The following PCSK5 variants were observed in gnomAD, a reference collection of about 807,000 sequenced individuals.
PCSK5 encodes the protein proprotein convertase subtilisin/kexin type 5, also known as prohormone convertase 5.
PCSK5 carries 129 observed loss-of-function variants against 233.2 expected under a neutral mutation model. The observed-to-expected ratio is 0.55, with a 90% CI of 0.48 to 0.64. The LOEUF (loss-of-function observed/expected upper bound fraction) is 0.64, where lower values mean the gene tolerates loss of function less well. PCSK5 is among the 30% of genes least tolerant of loss of function. PCSK5 has a pLI of 0.00. For missense variants in PCSK5, 2,076 were observed against 2,430.1 expected (o/e 0.85, Z 3.06); for synonymous variants, 825 against 879.2 (o/e 0.94, Z 1.09).
At chr9:76,055,971 C>T (rs527528393) in intron 5 of PCSK5, among the ~76,000 whole-genome samples, 29 of 152,196 alleles carry the variant, frequency 1.9e-4, no homozygotes, top group African/African-American at 6.0e-4. Context: ...TGTTGGAGAA[C>T]ATATCCCTAT....
intron 8 of PCSK5, among the ~76,000 whole-genome samples, chr9:76,105,151 A>T (rs1452687732): frequency 6.6e-6 from 1 of 152,230 alleles, no homozygotes; most frequent in African/African-American, 2.4e-5. Context: ...GTGTCCATCA[A>T]CAGATGAATG....
intron 5 of PCSK5, among the ~76,000 whole-genome samples, chr9:76,052,773 A>G (rs1293661195): frequency 6.6e-6 from 1 of 152,208 alleles, no homozygotes; most frequent in Non-Finnish European, 1.5e-5. Context: ...TCAAAGTCTC[A>G]TCTGACACAA....
chr9:75,969,417 A>G (rs546070907), intron 2 of PCSK5, among the ~76,000 whole-genome samples: 3 of 152,272 alleles, frequency 2.0e-5, no homozygotes, highest in South Asian at 4.1e-4. Flanking sequence ...CTTAACTTCA[A>G]TCCCTGGGTC....
rs1037593623 is a variant in PCSK5 at position 76,361,932 on chromosome 9, C to A, written c.*3010C>A. ...CTCTGATAGACTGAGTTTGACATTT[C>A]TTTCTGTAAACTGGAAATTGTTTTC... On this transcript the variant is annotated 3_prime_UTR_variant, in exon 38 of 38. Coordinates refer to ENST00000674117, the MANE Select transcript of PCSK5 (RefSeq NM_001372043.1). 6.6e-6 allele frequency: 1 copy of A among 152,180 alleles called. No homozygotes were observed. The highest frequency in any genetic ancestry group is 1.9e-4 in the East Asian group (1 of 5,178). The allele number at this position is 152,180 out of a possible 1,614,324, so 9.4% of individuals were successfully genotyped here. A position where few individuals can be genotyped will look rare whatever the true frequency, so the allele number is the denominator to read the frequency against.
intron 20 of PCSK5, among the ~76,000 whole-genome samples, chr9:76,225,196 T>C (rs1245333568): frequency 6.6e-6 from 1 of 152,226 alleles, no homozygotes; most frequent in African/African-American, 2.4e-5. Context: ...GCAATTGTGT[T>C]ATAACTATCT....
At chr9:76,076,643 A>G (rs1157076161) in intron 7 of PCSK5, among the ~76,000 whole-genome samples, 3 of 152,228 alleles carry the variant, frequency 2.0e-5, no homozygotes, top group Admixed American at 1.3e-4. Flanking sequence ...AATGTAGCAA[A>G]TATTGAATTT....
At chr9:76,025,400 GGAGA>G (rs34224740) in intron 4 of PCSK5, among the ~76,000 whole-genome samples, 17 of 148,594 alleles carry the variant, frequency 1.1e-4, no homozygotes, top group African/African-American at 2.5e-4. Context: ...AAAAAAATGA[GGAGA>G]GAGAGAGAGA....
At chr9:76,214,556 TCAA>T (rs1017348816) in intron 20 of PCSK5, among the ~76,000 whole-genome samples, 23 of 151,978 alleles carry the variant, frequency 1.5e-4, no homozygotes, top group Admixed American at 8.5e-4. Context: ...CTCAACTTTC[TCAA>T]CAACAACAAC....
At chr9:75,950,206 TTTATTTA>T in intron 2 of PCSK5, among the ~76,000 whole-genome samples, 1 of 151,482 alleles carries the variant, frequency 6.6e-6, no homozygotes, top group Non-Finnish European at 1.5e-5. Flanking sequence ...ACAAGGGCCT[TTTATTTA>T]TTTGTTTTTT....
chr9:76,026,274 G>C (rs573455948), intron 4 of PCSK5, among the ~76,000 whole-genome samples: 310 of 152,250 alleles, frequency 2.0e-3, no homozygotes, highest in African/African-American at 7.0e-3. Context: ...TGGAGATACT[G>C]TTTCCTCATT....
chr9:76,225,259 T>C (rs1825853234), intron 20 of PCSK5, among the ~76,000 whole-genome samples: 1 of 152,164 alleles, frequency 6.6e-6, no homozygotes, highest in African/African-American at 2.4e-5. Flanking sequence ...TCTTTTTAAT[T>C]TGTATGTCTC....
At chr9:76,100,094 T>C (rs1297694902) in intron 8 of PCSK5, among the ~76,000 whole-genome samples, 2 of 152,240 alleles carry the variant, frequency 1.3e-5, no homozygotes, top group African/African-American at 2.4e-5. Context: ...CTTGGTTTCC[T>C]GCCATTACTT....
chr9:75,902,608 A>G (rs1489394670), intron 1 of PCSK5, among the ~76,000 whole-genome samples: 1 of 152,210 alleles, frequency 6.6e-6, no homozygotes, highest in Non-Finnish European at 1.5e-5. Context: ...CCAGGCAGAG[A>G]ACAGGCGAAG....
At chr9:75,956,114 CAA>C (rs1003013479) in intron 2 of PCSK5, among the ~76,000 whole-genome samples, 1 of 152,198 alleles carries the variant, frequency 6.6e-6, no homozygotes, top group African/African-American at 2.4e-5. Context: ...TCTCTGCAAA[CAA>C]ATTTTATATC....
At chr9:76,194,604 T>G (rs1042027962) in intron 20 of PCSK5, 13 of 191,020 alleles carry the variant, frequency 6.8e-5, no homozygotes, top group African/African-American at 2.7e-4. Context: ...TTTTTTGGGG[T>G]TTTTTTTTTT....
chr9:76,001,468 CTTT>C (rs34379742), intron 3 of PCSK5, among the ~76,000 whole-genome samples: 1 of 87,150 alleles, frequency 1.1e-5, no homozygotes, highest in Non-Finnish European at 2.1e-5. Context: ...ACCATCATAG[CTTT>C]TTTTTTTTTT....
intron 16 of PCSK5, among the ~76,000 whole-genome samples, chr9:76,184,385 AAG>A (rs1491277925): frequency 2.0e-4 from 2 of 10,092 alleles, no homozygotes; most frequent in African/African-American, 9.6e-4. Flanking sequence ...TAGGAAGAAG[AAG>A]AAAAAAAAAA....
intron 5 of PCSK5, among the ~76,000 whole-genome samples, chr9:76,037,066 T>G (rs188604853): frequency 1.3e-5 from 2 of 152,292 alleles, no homozygotes; most frequent in Admixed American, 1.3e-4. Flanking sequence ...TTACAGTAAA[T>G]GATTATATAA....
intron 2 of PCSK5, among the ~76,000 whole-genome samples, chr9:75,941,455 A>G (rs56041801): frequency 0.022 from 3,399 of 152,100 alleles, 58 homozygotes; most frequent in Non-Finnish European, 0.031. Flanking sequence ...ATGGTTACCA[A>G]ATATCCTGAG....
Sources: gnomAD v4.1 joint callset for allele counts (sites outside exome capture counted in the v4.1 genomes callset) on GRCh38, gnomAD v4.1.1 for gene constraint, MANE v1.5 for transcripts, NCBI Gene and HGNC (gene_info 2026-07-23, HGNC 2026-07-21) for gene names.